Variants in GALNT17 observed in about 807,000 individuals in gnomAD.
The protein encoded by GALNT17 is UDP-GalNAc:polypeptide N-acetylgalactosaminyltransferase-like 3.
A neutral mutation model predicts 63.7 loss-of-function variants in GALNT17; 29 were observed. The observed-to-expected ratio is 0.46, with a 90% CI of 0.34 to 0.62. The LOEUF is 0.62. GALNT17 is among the 20% of genes least tolerant of loss of function. GALNT17 has a pLI of 0.01. For synonymous variants in GALNT17, 305 were observed against 318.3 expected, an observed-to-expected ratio of 0.96 and a Z score of 0.45; for missense variants, 603 against 799.6, an observed-to-expected ratio of 0.75 and a Z score of 2.97.
chr7:71,410,305 G>A (rs968479463), intron 3 of GALNT17, among the ~76,000 whole-genome samples: 1 of 151,684 alleles, frequency 6.6e-6, no homozygotes, highest in Non-Finnish European at 1.5e-5. Context: ...TAGTGCAGTG[G>A]CATGATCTTG....
chr7:71,199,319 G>A (rs1029844659), intron 1 of GALNT17, among the ~76,000 whole-genome samples: 36 of 152,096 alleles, frequency 2.4e-4, no homozygotes, highest in African/African-American at 8.5e-4. Flanking sequence ...GAACACTACT[G>A]TTCCTAAAGT....
intron 5 of GALNT17, among the ~76,000 whole-genome samples, chr7:71,513,183 T>C (rs2116730943): frequency 6.6e-6 from 1 of 152,262 alleles, no homozygotes; most frequent in South Asian, 2.1e-4. Context: ...ATTCCTCTCT[T>C]GGCAATTTCA....
chr7:71,156,392 T>C (rs904375102), intron 1 of GALNT17, among the ~76,000 whole-genome samples: 2 of 151,666 alleles, frequency 1.3e-5, no homozygotes, highest in African/African-American at 4.9e-5. Context: ...AGATATGAGG[T>C]GGGATGTGAC....
At chr7:71,555,428 G>A (rs1338892671) in intron 5 of GALNT17, among the ~76,000 whole-genome samples, 1 of 149,730 alleles carries the variant, frequency 6.7e-6, no homozygotes, top group East Asian at 2.0e-4. Context: ...TGAGCCAGCA[G>A]TGAGCCCAGC....
chr7:71,136,718 C>T (rs1332346845), intron 1 of GALNT17, among the ~76,000 whole-genome samples: 2 of 151,966 alleles, frequency 1.3e-5, no homozygotes, highest in African/African-American at 4.8e-5. Flanking sequence ...TTCCTGACCT[C>T]AAGTGATCCT....
intron 5 of GALNT17, among the ~76,000 whole-genome samples, chr7:71,439,943 C>CTTTTTT (rs370145707): frequency 8.1e-6 from 1 of 123,412 alleles, no homozygotes; most frequent in African/African-American, 3.0e-5. Context: ...TCCAGGCCCT[C>CTTTTTT]TTTTTTTTTT....
chr7:71,523,961 T>C (rs2116759992), intron 5 of GALNT17, among the ~76,000 whole-genome samples: 1 of 150,044 alleles, frequency 6.7e-6, no homozygotes, highest in South Asian at 2.1e-4. Context: ...CTACTAAAAA[T>C]TCAAAAACTA....
intron 9 of GALNT17, among the ~76,000 whole-genome samples, chr7:71,690,132 C>T (rs558024457): frequency 6.6e-6 from 1 of 151,516 alleles, no homozygotes; most frequent in East Asian, 1.9e-4. Flanking sequence ...TCAGGCGAGT[C>T]TCCCGCCTCA....
intron 9 of GALNT17, among the ~76,000 whole-genome samples, chr7:71,710,379 G>A (rs558043144): frequency 3.3e-5 from 5 of 152,232 alleles, no homozygotes; most frequent in Admixed American, 2.6e-4. Flanking sequence ...GTGGTGGTGC[G>A]CGCCTGTAAT....
intron 1 of GALNT17, among the ~76,000 whole-genome samples, chr7:71,333,148 A>G (rs546520514): frequency 1.6e-4 from 24 of 152,210 alleles, no homozygotes; most frequent in African/African-American, 5.8e-4. Context: ...GTCACTGTCC[A>G]TTTTCTCCCC....
intron 1 of GALNT17, among the ~76,000 whole-genome samples, chr7:71,323,359 G>C (rs1791650333): frequency 6.6e-6 from 1 of 152,172 alleles, no homozygotes; most frequent in Non-Finnish European, 1.5e-5. Context: ...ATGGGGTTGT[G>C]GGGCTAGCTG....
At chr7:71,196,552 G>T (rs1009067190) in intron 1 of GALNT17, among the ~76,000 whole-genome samples, 1 of 152,062 alleles carries the variant, frequency 6.6e-6, no homozygotes, top group African/African-American at 2.4e-5. Context: ...GGTGGTCTTG[G>T]GGACTCCCAG....
At chr7:71,422,287 G>A (rs1237766768) in intron 5 of GALNT17, among the ~76,000 whole-genome samples, 1 of 152,076 alleles carries the variant, frequency 6.6e-6, no homozygotes, top group Admixed American at 6.5e-5. Context: ...CCTTCATCAC[G>A]TGACCTTTTC....
rs116699349 is a variant in GALNT17 at position 71,469,984 on chromosome 7, G to A, written c.962+48879G>A. Among the ~76,000 whole-genome samples the A allele has an allele frequency of 3.2e-3, 494 of 152,296 alleles. 5 individuals carry two copies. Among genetic ancestry groups the A allele is most frequent in the African/African-American group, 0.012 (482 of 41,562 alleles). ...AACACTTTGGGAGGCTGAGGCGGAC[G>A]GATAACCTGAGGTCAGGAGTTCAAG... On this transcript the variant is annotated intron_variant, in intron 5 of 10. Coordinates refer to ENST00000333538, the MANE Select transcript of GALNT17 (RefSeq NM_022479.3).
intron 5 of GALNT17, among the ~76,000 whole-genome samples, chr7:71,450,933 T>C (rs1055615444): frequency 2.0e-3 from 19 of 9,340 alleles, no homozygotes; most frequent in Non-Finnish European, 2.8e-3. Flanking sequence ...TTTTTATTCT[T>C]TTTTTTTTTT....
chr7:71,563,434 T>C (rs1789288400), intron 5 of GALNT17, among the ~76,000 whole-genome samples: 1 of 152,168 alleles, frequency 6.6e-6, no homozygotes, highest in African/African-American at 2.4e-5. Context: ...GGGTGGTAGC[T>C]TCCTGTTGGA....
chr7:71,650,545 T>C (rs1330036665), intron 6 of GALNT17, among the ~76,000 whole-genome samples: 1 of 152,234 alleles, frequency 6.6e-6, no homozygotes, highest in Non-Finnish European at 1.5e-5. Flanking sequence ...GGCCCAATTA[T>C]GCTCTTTAAA....
At chr7:71,294,914 CT>C (rs1791050322) in intron 1 of GALNT17, among the ~76,000 whole-genome samples, 1 of 152,072 alleles carries the variant, frequency 6.6e-6, no homozygotes, top group African/African-American at 2.4e-5. Context: ...ATTTAATCCC[CT>C]CTCTCCTGAT....
intron 1 of GALNT17, among the ~76,000 whole-genome samples, chr7:71,209,971 G>T (rs1358760069): frequency 6.6e-6 from 1 of 151,934 alleles, no homozygotes; most frequent in Non-Finnish European, 1.5e-5. Context: ...CACCGAGGCT[G>T]GAGTGCAGTG....
Sources: gnomAD v4.1 joint callset for allele counts (sites outside exome capture counted in the v4.1 genomes callset) on GRCh38, gnomAD v4.1.1 for gene constraint, MANE v1.5 for transcripts, NCBI Gene and HGNC (gene_info 2026-07-23, HGNC 2026-07-21) for gene names.